BRD3: variants seen among roughly 807,000 people sequenced by gnomAD.
BRD3 encodes the protein bromodomain containing 3.
A neutral mutation model predicts 66.8 loss-of-function variants in BRD3; 17 were observed. The observed-to-expected ratio is 0.25, with a 90% CI of 0.17 to 0.38. The LOEUF (loss-of-function observed/expected upper bound fraction) is 0.38. Among genes scored for constraint, BRD3 ranks in the 10% least tolerant of loss-of-function variants. The pLI, the probability that BRD3 is intolerant of heterozygous loss-of-function variation, is 1.00. For missense variants in BRD3, 713 were observed against 956.1 expected (o/e 0.75, Z 3.35); for synonymous variants, 421 against 393.2 (o/e 1.07, Z -0.84).
In BRD3 at chr9:134,045,404, T is replaced by C. The variant is rs1334390026; in HGVS notation, c.1104A>G (p.Arg368=). 2 of 1,613,432 alleles carry C rather than the reference T, an allele frequency of 1.2e-6. No individual in the cohort carries two copies. Among genetic ancestry groups the C allele is most frequent in the Non-Finnish European group, 8.5e-7 (1 of 1,179,988 alleles). ...CAAAGCCCTGTGCGTCTGGGTACTC[T>C]CGGCCATCCATCTTCCTCTGCAACA... ...LSTVKRKMDG[R]EYPDAQGFAA... Residue 368 remains arginine, a synonymous_variant, in exon 7 of 12, where the codon CGA becomes CGG. Coordinates refer to ENST00000303407, the MANE Select transcript of BRD3 (RefSeq NM_007371.4). This position sits in a 1 kb window ranked among gnomAD's most constrained non-coding sequence, Gnocchi z 4.8.
chr9:134,068,277 C>A (rs1008677892), upstream of BRD3: 1 of 148,160 alleles, frequency 6.7e-6, no homozygotes, highest in Admixed American at 6.7e-5. Flanking sequence ...GGCAACAACG[C>A]TGGGACCCCG....
At chr9:134,067,773 G>A (rs1030967236) in intron 1 of BRD3, among the ~76,000 whole-genome samples, 172 bp downstream of exon 1, 11 of 144,864 alleles carry the variant, frequency 7.6e-5, no homozygotes, top group Non-Finnish European at 1.1e-4. Context: ...GTTGCATCGT[G>A]GCCGCGCACA....
At chr9:134,035,896 G>GTGGGA (rs1829897370) in intron 10 of BRD3, 136 bp downstream of exon 10, 1 of 1,242,562 alleles carries the variant, frequency 8.0e-7, no homozygotes, top group Admixed American at 2.8e-5. Context: ...GGCATCTGTG[G>GTGGGA]TGGGACGAAG....
chr9:134,031,458 T>C lies in BRD3; in HGVS notation c.*2132A>G, dbSNP rs1843511476. The C allele has an allele frequency of 4.9e-6, 1 of 203,648 alleles. No individual in the cohort carries two copies. The allele number at this position is 203,648 out of a possible 1,614,324, so 12.6% of individuals were successfully genotyped here. A position where few individuals can be genotyped will look rare whatever the true frequency, so the allele number is the denominator to read the frequency against. ...GTGTGTGAATTCCTTAAATTCGGTT[T>C]AAATAGTCCATTAAAGATCTGTTTA... On this transcript the variant is annotated 3_prime_UTR_variant, in exon 12 of 12. Transcript: ENST00000303407.
At chr9:134,048,484 G>A (rs201134701) in intron 5 of BRD3, 30 bp from the exon 6 acceptor site, 106 of 1,597,118 alleles carry the variant, frequency 6.6e-5, no homozygotes, top group Non-Finnish European at 8.5e-5. Flanking sequence ...AGTGAACCCC[G>A]GAAACCAGGG....
chr9:134,047,972 C>T, intron 6 of BRD3, 111 bp downstream of exon 6: 1 of 1,387,598 alleles, frequency 7.2e-7, no homozygotes, highest in South Asian at 1.6e-5. Flanking sequence ...GCTTCTCCGG[C>T]AAGCGAGACC....
chr9:134,036,969 T>TACA (rs1829935069), intron 9 of BRD3, among the ~76,000 whole-genome samples: 1 of 151,356 alleles, frequency 6.6e-6, no homozygotes, highest in Non-Finnish European at 1.5e-5. Context: ...CAAGATCTTG[T>TACA]CCCTGCACTC....
At chr9:134,047,977 G>T in intron 6 of BRD3, 106 bp downstream of exon 6, 1 of 1,396,920 alleles carries the variant, frequency 7.2e-7, no homozygotes. Flanking sequence ...TCCGGCAAGC[G>T]AGACCCTGCT....
intron 1 of BRD3, chr9:134,057,775 G>A (rs568388319): frequency 5.2e-5 from 8 of 152,616 alleles, no homozygotes; most frequent in African/African-American, 1.7e-4. Flanking sequence ...GTTAAAGAAC[G>A]AGGCGCTCCT....
At position 134,034,792 on chromosome 9, in the gene BRD3, C is replaced by G; in HGVS notation, c.1974G>C (p.Glu658Asp). The change falls in exon 11 of 12, where the codon GAG becomes GAC. Residue 658 changes from glutamate to aspartate, a missense_variant. Glu to Asp is a conservative substitution (Grantham distance 45). Coordinates refer to ENST00000303407, the MANE Select transcript of BRD3 (RefSeq NM_007371.4). ...SGKKQAAKSK[E>D]ELAQEKKKEL... ...CCTTCTTCTTTTCCTGAGCTAGCTC[C>G]TCTTTCGACTTGGCTGCCTGTTTCT... The G allele has an allele frequency of 6.2e-7, 1 of 1,612,350 alleles. No individual in the cohort carries two copies.
intron 4 of BRD3, among the ~76,000 whole-genome samples, chr9:134,050,991 G>A (rs936441188): frequency 1.4e-4 from 21 of 152,150 alleles, no homozygotes; most frequent in Admixed American, 3.3e-4. Flanking sequence ...AACACGCGAC[G>A]GCCCGTGGCC....
chr9:134,049,428 G>A (rs559064738), intron 5 of BRD3, among the ~76,000 whole-genome samples: 8 of 152,336 alleles, frequency 5.3e-5, no homozygotes, highest in South Asian at 4.1e-4. Context: ...CAGCCAAGCC[G>A]CCGCCCTCAG....
intron 1 of BRD3, chr9:134,054,349 G>C (rs1317333277): frequency 6.6e-6 from 1 of 152,320 alleles, no homozygotes; most frequent in Non-Finnish European, 1.5e-5. Context: ...AGGGCTGGCA[G>C]GAGGAGGCCA....
At chr9:134,036,392 C>T in intron 9 of BRD3, 68 bp from the exon 10 acceptor site, 1 of 1,572,372 alleles carries the variant, frequency 6.4e-7, no homozygotes, top group Non-Finnish European at 8.6e-7. Context: ...CCACTGCACA[C>T]ACCCCTTCCT....
rs551448064 is a variant in BRD3 at position 134,044,581 on chromosome 9, G to A, written c.1215+712C>T. Among the ~76,000 whole-genome samples, 3 of 147,456 alleles carry A rather than the reference G, an allele frequency of 2.0e-5. No individual in the cohort carries two copies. In the South Asian group the frequency reaches 6.2e-4, roughly 31 times the overall value. On this transcript the variant is annotated intron_variant, in intron 7 of 11. Coordinates refer to ENST00000303407, the MANE Select transcript of BRD3 (RefSeq NM_007371.4). ...TGTTATTTATAAAAGCAAACCACCT[G>A]CGATCACAATTAGAGAAGGTAAGAA...
At chr9:134,052,903 G>A (rs17737081) in intron 2 of BRD3, among the ~76,000 whole-genome samples, 8,327 of 152,240 alleles carry the variant, frequency 0.055, 288 homozygotes, top group Middle Eastern at 0.14. Flanking sequence ...ACATACACTC[G>A]GCCTCTAACT....
At chr9:134,061,412 C>G (rs1830542078) in intron 1 of BRD3, among the ~76,000 whole-genome samples, 1 of 152,214 alleles carries the variant, frequency 6.6e-6, no homozygotes, top group Admixed American at 6.5e-5. Context: ...TCTGGAGGAG[C>G]AGTGGCAGGG....
intron 5 of BRD3, among the ~76,000 whole-genome samples, chr9:134,049,796 G>A (rs1482203187): frequency 1.3e-5 from 2 of 152,234 alleles, no homozygotes; most frequent in Admixed American, 6.5e-5. Context: ...ACACATAAGT[G>A]CCTGGCACGG....
intron 1 of BRD3, among the ~76,000 whole-genome samples, chr9:134,059,507 T>C (rs942814148): frequency 3.3e-5 from 5 of 149,504 alleles, no homozygotes; most frequent in African/African-American, 1.2e-4. Context: ...ACACAAAACC[T>C]TCGTGCCGCA....
Sources: allele counts gnomAD v4.1 joint callset (sites outside exome capture counted in the v4.1 genomes callset), GRCh38; gene constraint gnomAD v4.1.1; non-coding constraint Gnocchi (gnomAD v3.1); transcripts MANE v1.5; gene names NCBI Gene and HGNC (gene_info 2026-07-23, HGNC 2026-07-21).